JAG2: variants seen among roughly 807,000 people sequenced by gnomAD.
JAG2 encodes the protein jagged canonical Notch ligand 2.
In JAG2, 46 loss-of-function variants were observed where a neutral mutation model predicts 141.7. The ratio of observed to expected loss-of-function variants is 0.32; its 90% CI spans 0.26 to 0.42. The LOEUF is 0.42. Ranked by LOEUF, JAG2 falls within the 10% of genes least tolerant of loss-of-function variation. The pLI, the probability that JAG2 is intolerant of heterozygous loss-of-function variation, is 1.00. For synonymous variants in JAG2, 862 were observed against 763.5 expected (o/e 1.13, Z -2.13); for missense variants, 1,500 against 1,817.5 (o/e 0.83, Z 3.18).
Position 105,146,660 on chromosome 14 carries a change from C to T in JAG2, c.2544G>A (p.Gly848=). 6.2e-7 allele frequency: 1 copy of T among 1,612,724 alleles called. No homozygotes were observed. The highest frequency in any genetic ancestry group is 1.1e-5 in the South Asian group (1 of 91,090). ...GGCCGGGTGGGCAGCTACAGCGATACCCGTTGATCTCATCCACACACGTGG... is the reference window on the plus strand; with the variant it reads ...GGCCGGGTGGGCAGCTACAGCGATATCCGTTGATCTCATCCACACACGTGG... ...YGATCVDEIN[G]YRCSCPPGRA... is the part of the protein sequence containing the mutation. The change falls in exon 21 of 26, where the codon GGG becomes GGA. Residue 848 remains glycine, a synonymous_variant. Coordinates refer to ENST00000331782, the MANE Select transcript of JAG2 (RefSeq NM_002226.5).
In JAG2 at chr14:105,150,931, G is replaced by A. The variant is rs762664387; in HGVS notation, c.1382-20C>T. 3.8e-6 allele frequency: 6 copies of A among 1,597,218 alleles called. No homozygotes were observed. In the Admixed American group the frequency reaches 8.7e-5, roughly 23 times the overall value. ...TGACGTCTGGGGGCAGAGGAGCAGG[G>A]TCAGAGGCGGGGTCCCATGTGCCTC... On this transcript the variant is annotated intron_variant, in intron 10 of 25. Transcript: ENST00000331782.
chr14:105,164,603 G>C (rs587725351), intron 2 of JAG2, among the ~76,000 whole-genome samples: 34 of 152,352 alleles, frequency 2.2e-4, no homozygotes, highest in African/African-American at 8.2e-4. Flanking sequence ...GAGCAGCTTA[G>C]GTAGCTCCAG....
chr14:105,157,543 C>A (rs1279638586), intron 3 of JAG2, among the ~76,000 whole-genome samples, 163 bp downstream of exon 3: 1 of 152,168 alleles, frequency 6.6e-6, no homozygotes, highest in Non-Finnish European at 1.5e-5. Context: ...TCTGCAAGTC[C>A]CAAACGTGGC....
At chr14:105,152,136 T>C in intron 6 of JAG2, 25 bp downstream of exon 6, 1 of 1,613,532 alleles carries the variant, frequency 6.2e-7, no homozygotes, top group South Asian at 1.1e-5. Context: ...GGCAGAGCAT[T>C]AGGCCTGCCG....
In JAG2 at chr14:105,158,520, G is replaced by A. The variant is rs587743353; in HGVS notation, c.418-757C>T. On this transcript the variant is annotated intron_variant, in intron 2 of 25. Coordinates refer to ENST00000331782, the MANE Select transcript of JAG2 (RefSeq NM_002226.5). ...CCCAGCCATGGCGACAGGCGATGCT[G>A]TCAGCCAAGCAAAGAGACCACAGGG... Among the ~76,000 whole-genome samples, 25 of 152,280 alleles carry A rather than the reference G, an allele frequency of 1.6e-4. 1 individual carries two copies. Among genetic ancestry groups the A allele is most frequent in the African/African-American group, 6.0e-4 (25 of 41,542 alleles).
rs1431730235 is a variant in JAG2, at chr14:105,143,807, CG to C, written c.3085-170del. On this transcript the variant is annotated intron_variant, in intron 24 of 25. Transcript: ENST00000331782. ...CCACCAGGCAGTGAGTGGGGAGTAGCGGGGGGAGGAGTGGAGGGGTGGAGGC... is the reference window on the plus strand; with the variant it reads ...CCACCAGGCAGTGAGTGGGGAGTAGCGGGGGAGGAGTGGAGGGGTGGAGGC... 2.8e-5 allele frequency among the ~76,000 whole-genome samples: 4 copies of C among 142,758 alleles called. No homozygotes were observed. The East Asian group carries it at 8.4e-4, about 30-fold the overall frequency. The allele number at this position is 142,758 out of a possible 152,430, so 93.7% of individuals were successfully genotyped here.
Position 105,147,885 on chromosome 14 carries a change from T to C in JAG2, c.2252A>G (p.Lys751Arg). ...GWKGSTCAVAKNSSCLPNPCV... is the reference protein window; with the variant it reads ...GWKGSTCAVARNSSCLPNPCV... ...GGGGTTGGGCAGGCAGCTGCTGTTCTTGGCTGTAAGGAGAGGAGGAGGAGG... is the reference window on the plus strand; with the variant it reads ...GGGGTTGGGCAGGCAGCTGCTGTTCCTGGCTGTAAGGAGAGGAGGAGGAGG... The change falls in exon 18 of 26, where the codon AAG (lysine) becomes AGG (arginine). Residue 751 changes from lysine (K) to arginine (R), a missense_variant. By Grantham distance (26) the Lys-to-Arg change is conservative. This residue lies in a region of JAG2 where 875 missense variants were observed against 1,202.2 expected (regional missense o/e 0.73). Transcript: ENST00000331782. 6.4e-7 allele frequency: 1 copy of C among 1,551,584 alleles called. No individual in the cohort carries two copies. Among genetic ancestry groups the C allele is most frequent in the Non-Finnish European group, 8.7e-7 (1 of 1,148,790 alleles).
chr14:105,161,162 T>G (rs1477562536), intron 2 of JAG2, among the ~76,000 whole-genome samples: 2 of 106,818 alleles, frequency 1.9e-5, no homozygotes, highest in African/African-American at 3.7e-5. Context: ...GGGGTCTGAG[T>G]GAGGTCTGTT....
At chr14:105,150,210 G>C (rs1325336855) in intron 12 of JAG2, among the ~76,000 whole-genome samples, 1 of 151,796 alleles carries the variant, frequency 6.6e-6, no homozygotes, top group Non-Finnish European at 1.5e-5. Context: ...TGCCCACTCC[G>C]ACCCAGGACT....
rs977819535 is a variant in JAG2, at chr14:105,150,237, A to G, written c.1602+367T>C. Among the ~76,000 whole-genome samples, 5 of 152,008 alleles carry G rather than the reference A, an allele frequency of 3.3e-5. No homozygotes were observed. The East Asian group carries it at 7.8e-4, about 24-fold the overall frequency. Reference sequence around the variant, plus strand: ...CCCAGGACTCACCTATGACAGGTGTATACCTCTCCACCATCAGGCACCCAC... The same window carrying G: ...CCCAGGACTCACCTATGACAGGTGTGTACCTCTCCACCATCAGGCACCCAC... On this transcript the variant is annotated intron_variant, in intron 12 of 25. Coordinates refer to ENST00000331782, the MANE Select transcript of JAG2 (RefSeq NM_002226.5).
chr14:105,152,310 G>A lies in JAG2; in HGVS notation c.789-19C>T, dbSNP rs1888460939. On this transcript the variant is annotated intron_variant, in intron 5 of 25. Coordinates refer to ENST00000331782, the MANE Select transcript of JAG2 (RefSeq NM_002226.5). ...GCTGCACCTGGGGGAAGGAGGAGGGGCGCAAGACCCAGTGAGCTGTGGTGC... is the reference window on the plus strand; with the variant it reads ...GCTGCACCTGGGGGAAGGAGGAGGGACGCAAGACCCAGTGAGCTGTGGTGC... 1.9e-6 allele frequency: 3 copies of A among 1,611,438 alleles called. No individual in the cohort carries two copies. The highest frequency in any genetic ancestry group is 1.7e-6 in the Non-Finnish European group (2 of 1,179,258).
chr14:105,146,464 G>T lies in JAG2; in HGVS notation c.2630C>A (p.Thr877Asn), dbSNP rs761052445. ...CCAGGAGCTTCCGTGTGGGAACGGA[G>T]TGCCCCGGGACCAGCAGGATCTCCC... ...GFGRSCWSRG[T>N]PFPHGSSWVE... Residue 877 changes from threonine (T) to asparagine (N), a missense_variant, in exon 22 of 26, where the codon ACT becomes AAT. Physicochemically the swap from Thr to Asn is moderately conservative, Grantham distance 65. Coordinates refer to ENST00000331782, the MANE Select transcript of JAG2 (RefSeq NM_002226.5). The T allele has an allele frequency of 3.1e-6, 5 of 1,612,788 alleles. No individual in the cohort carries two copies. The Admixed American group carries it at 8.3e-5, about 27-fold the overall frequency.
intron 24 of JAG2, among the ~76,000 whole-genome samples, chr14:105,143,897 A>G (rs140714983): frequency 0.01 from 1,428 of 141,342 alleles, 28 homozygotes; most frequent in African/African-American, 0.036. Flanking sequence ...ACCACCAGGC[A>G]GCGAGCAGTG....
intron 5 of JAG2, 104 bp from the exon 6 acceptor site, chr14:105,152,395 C>T (rs1357749826): frequency 1.1e-5 from 15 of 1,373,412 alleles, no homozygotes; most frequent in Admixed American, 7.9e-5. Context: ...GGCCGGCGGG[C>T]GGCCTCAGGC....
At position 105,141,736 on chromosome 14, in the gene JAG2, G is replaced by A. The variant is rs1286586243; in HGVS notation, c.*959C>T. On this transcript the variant is annotated 3_prime_UTR_variant, in exon 26 of 26. Transcript: ENST00000331782. ...AGCACCGAAAGAACAAGGGAGGCCG[G>A]AATGGTGGCATTATTCAATCAAATA... 2 of 152,420 alleles carry A rather than the reference G, an allele frequency of 1.3e-5. No individual in the cohort carries two copies. Among genetic ancestry groups the A allele is most frequent in the Non-Finnish European group, 2.9e-5 (2 of 68,074 alleles). The allele number at this position is 152,420 out of a possible 1,614,324, so 9.4% of individuals were successfully genotyped here. A position where few individuals can be genotyped will look rare whatever the true frequency, so the allele number is the denominator to read the frequency against.
At chr14:105,160,480 A>T (rs1326238174) in intron 2 of JAG2, among the ~76,000 whole-genome samples, 1 of 151,270 alleles carries the variant, frequency 6.6e-6, no homozygotes, top group Non-Finnish European at 1.5e-5. Flanking sequence ...CATCAAGTGT[A>T]CAGCAGGCAT....
At chr14:105,146,096 T>A in intron 22 of JAG2, 123 bp from the exon 23 acceptor site, 1 of 1,471,386 alleles carries the variant, frequency 6.8e-7, no homozygotes, top group Non-Finnish European at 9.1e-7. Flanking sequence ...CCCAAGTCTG[T>A]GAGCCCCAGG....
chr14:105,148,658 G>T, intron 15 of JAG2, 87 bp downstream of exon 15: 1 of 1,232,008 alleles, frequency 8.1e-7, no homozygotes, highest in Non-Finnish European at 1.1e-6. Context: ...GGGGCCTGCC[G>T]CACCCAGACA....
In JAG2 at chr14:105,143,565, A is replaced by G. The variant is rs1383304913; in HGVS notation, c.3158T>C (p.Ile1053Thr). ...QGAAHAIVAA[I>T]TQRGNSSLLL... ...CAGTGAGCTGTTCCCCCGCTGGGTGATGGCGGCCACGATGGCGTGGGCCGC... is the reference window on the plus strand; with the variant it reads ...CAGTGAGCTGTTCCCCCGCTGGGTGGTGGCGGCCACGATGGCGTGGGCCGC... Residue 1053 changes from isoleucine (I) to threonine (T), a missense_variant, in exon 25 of 26, where the codon ATC becomes ACC. Around this residue, in one of 3 missense-constraint regions of JAG2, gnomAD observed 425 missense variants for 441.0 expected, o/e 0.96. Coordinates refer to ENST00000331782, the MANE Select transcript of JAG2 (RefSeq NM_002226.5). 1 of 1,602,606 alleles carries G rather than the reference A, an allele frequency of 6.2e-7. No individual in the cohort carries two copies. Among genetic ancestry groups the G allele is most frequent in the Admixed American group, 1.7e-5 (1 of 58,288 alleles).
Sources: gnomAD v4.1 joint callset for allele counts (sites outside exome capture counted in the v4.1 genomes callset) on GRCh38, gnomAD v4.1.1 for gene constraint, gnomAD v4.1.1 regional missense constraint, MANE v1.5 for transcripts, NCBI Gene and HGNC (gene_info 2026-07-23, HGNC 2026-07-21) for gene names.